The following KCNQ3 variants were observed in gnomAD, a reference collection of about 807,000 sequenced individuals.
KCNQ3 encodes the protein potassium voltage-gated channel subfamily Q member 3.
Under a neutral mutation model 92.5 loss-of-function variants are expected in KCNQ3, and 30 were observed. That is an observed-to-expected ratio of 0.32 (90% CI 0.24 to 0.44). KCNQ3 has a LOEUF of 0.44. Ranked by LOEUF, KCNQ3 falls within the 20% of genes least tolerant of loss-of-function variation. The probability of loss-of-function intolerance (pLI) is 1.00; values close to 1 mark genes in which losing one functional copy is unlikely to be tolerated. For missense variants in KCNQ3, 913 were observed against 1,140.3 expected, an observed-to-expected ratio of 0.80 and a Z score of 2.87; for synonymous variants, 450 against 468.8, an observed-to-expected ratio of 0.96 and a Z score of 0.52.
chr8:132,246,965 A>C (rs1037245230), intron 1 of KCNQ3, among the ~76,000 whole-genome samples: 5 of 152,226 alleles, frequency 3.3e-5, no homozygotes, highest in Non-Finnish European at 7.3e-5. Flanking sequence ...ACGTTTATAA[A>C]GTACTTGCCA....
At chr8:132,382,444 C>CTTCCT (rs1406211867) in intron 1 of KCNQ3, among the ~76,000 whole-genome samples, 1 of 152,176 alleles carries the variant, frequency 6.6e-6, no homozygotes, top group Non-Finnish European at 1.5e-5. Context: ...GTAAAAGCTT[C>CTTCCT]CTGAGGCTTC....
At chr8:132,446,211 G>A (rs1259007196) in intron 1 of KCNQ3, among the ~76,000 whole-genome samples, 9 of 152,180 alleles carry the variant, frequency 5.9e-5, no homozygotes, top group Admixed American at 5.9e-4. Context: ...ACATGCCTCA[G>A]CCTGGATCCA....
intron 9 of KCNQ3, among the ~76,000 whole-genome samples, chr8:132,147,837 T>C (rs1390296959): frequency 2.0e-5 from 3 of 152,242 alleles, no homozygotes; most frequent in Non-Finnish European, 4.4e-5. Flanking sequence ...ATCCCATTTA[T>C]AGGAGTCAAG....
intron 1 of KCNQ3, among the ~76,000 whole-genome samples, chr8:132,413,437 T>TTTAATTATTAATTAAA (rs1820708294): frequency 6.6e-6 from 1 of 152,236 alleles, no homozygotes; most frequent in African/African-American, 2.4e-5. Flanking sequence ...AAGTCGCCTT[T>TTTAATTATTAATTAAA]CAGTCAGCAG....
chr8:132,248,484 A>G lies in KCNQ3; in HGVS notation c.387-62303T>C, dbSNP rs193118643. Among the ~76,000 whole-genome samples the G allele has an allele frequency of 4.9e-3, 744 of 152,252 alleles. 7 individuals carry two copies. Among genetic ancestry groups the G allele is most frequent in the African/African-American group, 0.017 (720 of 41,544 alleles). On this transcript the variant is annotated intron_variant, in intron 1 of 14. Coordinates refer to ENST00000388996, the MANE Select transcript of KCNQ3 (RefSeq NM_004519.4). ...GTGACTAGAGCTCTGCTTCCTTTGTATTAGCTTCTAGGGAAAGCTCAAGAC... is the reference window on the plus strand; with the variant it reads ...GTGACTAGAGCTCTGCTTCCTTTGTGTTAGCTTCTAGGGAAAGCTCAAGAC...
chr8:132,308,659 C>T (rs1817506190), intron 1 of KCNQ3, among the ~76,000 whole-genome samples: 1 of 152,192 alleles, frequency 6.6e-6, no homozygotes, highest in Non-Finnish European at 1.5e-5. Context: ...ATAATAACCA[C>T]AAAGGGTAAG....
intron 1 of KCNQ3, among the ~76,000 whole-genome samples, chr8:132,204,473 T>G (rs1327997132): frequency 2.0e-5 from 3 of 152,220 alleles, no homozygotes; most frequent in Non-Finnish European, 2.9e-5. Context: ...GGCTCATCTT[T>G]CTCCAGCCTC....
intron 1 of KCNQ3, among the ~76,000 whole-genome samples, chr8:132,233,729 T>G (rs958685336): frequency 5.3e-5 from 8 of 152,224 alleles, no homozygotes; most frequent in Non-Finnish European, 1.0e-4. Context: ...GGGTCCCTCA[T>G]TTCACTTTGT....
chr8:132,364,694 C>CGGACGGATGGATGGAT (rs61064169), intron 1 of KCNQ3, among the ~76,000 whole-genome samples: 19 of 138,040 alleles, frequency 1.4e-4, no homozygotes, highest in African/African-American at 1.3e-4. Context: ...GACGGACGGA[C>CGGACGGATGGATGGAT]GGATGGATGG....
chr8:132,429,399 A>C (rs918100414), intron 1 of KCNQ3, among the ~76,000 whole-genome samples: 1 of 152,222 alleles, frequency 6.6e-6, no homozygotes, highest in Non-Finnish European at 1.5e-5. Context: ...TCCCATGGCC[A>C]CGGTCATCTA....
chr8:132,132,169 A>T lies in KCNQ3; in HGVS notation c.1884+11T>A. ...AGATCCAGTTTTTGGTGAGAGGAAG[A>T]AAAGACTTACCTGTCTTTCAACTTT... On this transcript the variant is annotated intron_variant, in intron 14 of 14. Transcript: ENST00000388996. The T allele has an allele frequency of 1.3e-6, 2 of 1,561,902 alleles. No homozygotes were observed. Among genetic ancestry groups the T allele is most frequent in the Middle Eastern group, 3.4e-4 (2 of 5,966 alleles).
At chr8:132,424,863 A>G (rs1039696211) in intron 1 of KCNQ3, among the ~76,000 whole-genome samples, 1 of 152,198 alleles carries the variant, frequency 6.6e-6, no homozygotes, top group African/African-American at 2.4e-5. Context: ...AAGGACAAGG[A>G]CACTGTCACT....
chr8:132,417,605 A>G (rs1820851155), intron 1 of KCNQ3, among the ~76,000 whole-genome samples: 2 of 152,180 alleles, frequency 1.3e-5, no homozygotes, highest in African/African-American at 2.4e-5. Context: ...TACACACTCT[A>G]TGTGCTGGGG....
intron 1 of KCNQ3, among the ~76,000 whole-genome samples, chr8:132,451,092 C>T (rs974226407): frequency 2.0e-5 from 3 of 152,108 alleles, no homozygotes; most frequent in African/African-American, 7.2e-5. Flanking sequence ...TGGGAGGGAC[C>T]CGGTGGGAGG....
At chr8:132,307,701 A>G (rs2130602409) in intron 1 of KCNQ3, among the ~76,000 whole-genome samples, 1 of 152,336 alleles carries the variant, frequency 6.6e-6, no homozygotes, top group African/African-American at 2.4e-5. Context: ...GATCTCAGGC[A>G]TGAACTATTC....
At chr8:132,367,065 A>T (rs1819342774) in intron 1 of KCNQ3, among the ~76,000 whole-genome samples, 1 of 152,236 alleles carries the variant, frequency 6.6e-6, no homozygotes. Flanking sequence ...TAAAAGAAGG[A>T]GACATTACAT....
At chr8:132,293,849 A>T (rs1013705084) in intron 1 of KCNQ3, among the ~76,000 whole-genome samples, 1 of 152,160 alleles carries the variant, frequency 6.6e-6, no homozygotes, top group Non-Finnish European at 1.5e-5. Flanking sequence ...GGTCTTGCTC[A>T]TGTATCTTGG....
At chr8:132,419,837 G>C (rs892879582) in intron 1 of KCNQ3, among the ~76,000 whole-genome samples, 13 of 152,168 alleles carry the variant, frequency 8.5e-5, no homozygotes, top group African/African-American at 3.1e-4. Context: ...CTGTAATTGA[G>C]CCCAGTACTG....
chr8:132,227,282 G>C (rs754929667), intron 1 of KCNQ3, among the ~76,000 whole-genome samples: 2 of 151,978 alleles, frequency 1.3e-5, no homozygotes, highest in South Asian at 2.1e-4. Flanking sequence ...GGATGGTCTC[G>C]ATCTCCTGAT....
Sources: allele counts gnomAD v4.1 joint callset (sites outside exome capture counted in the v4.1 genomes callset), GRCh38; gene constraint gnomAD v4.1.1; transcripts MANE v1.5; gene names NCBI Gene and HGNC (gene_info 2026-07-23, HGNC 2026-07-21).